ABLIM1: variants seen among roughly 807,000 people sequenced by gnomAD.
The protein encoded by ABLIM1 is actin binding LIM protein 1.
In ABLIM1, 40 loss-of-function variants were observed where a neutral mutation model predicts 107.0. The observed-to-expected ratio is 0.37, with a 90% CI of 0.29 to 0.49. ABLIM1 has a LOEUF of 0.49. ABLIM1 is among the 20% of genes least tolerant of loss of function. The pLI, the probability that ABLIM1 is intolerant of heterozygous loss-of-function variation, is 0.97. For missense variants in ABLIM1, 857 were observed against 1,008.5 expected, an observed-to-expected ratio of 0.85 and a Z score of 2.04; for synonymous variants, 357 against 357.3, an observed-to-expected ratio of 1.00 and a Z score of 0.01.
At chr10:114,480,175 G>C (rs2057117591) in intron 8 of ABLIM1, among the ~76,000 whole-genome samples, 1 of 152,164 alleles carries the variant, frequency 6.6e-6, no homozygotes, top group Non-Finnish European at 1.5e-5. Flanking sequence ...CTTACCTGTA[G>C]TTATTTAATC....
intron 17 of ABLIM1, 49 bp from the exon 18 acceptor site, chr10:114,441,835 C>T (rs758316084): frequency 1.3e-6 from 2 of 1,530,028 alleles, no homozygotes; most frequent in Admixed American, 1.7e-5. Flanking sequence ...TCAGAAGGTC[C>T]AATCCTTTAA....
At chr10:114,715,168 G>T (rs942369875) in intron 1 of ABLIM1, among the ~76,000 whole-genome samples, 2 of 152,058 alleles carry the variant, frequency 1.3e-5, no homozygotes, top group Non-Finnish European at 2.9e-5. Flanking sequence ...CTTCTTTGAT[G>T]CAGGGAAAAA....
intron 8 of ABLIM1, among the ~76,000 whole-genome samples, chr10:114,482,881 G>T (rs532700112): frequency 2.0e-5 from 3 of 152,080 alleles, no homozygotes; most frequent in Non-Finnish European, 4.4e-5. Context: ...TCATGAAAAT[G>T]TATTACTTGA....
chr10:114,581,406 C>G (rs1180711160), intron 2 of ABLIM1, among the ~76,000 whole-genome samples: 1 of 152,200 alleles, frequency 6.6e-6, no homozygotes, highest in Non-Finnish European at 1.5e-5. Flanking sequence ...TGCCTGTTCA[C>G]TAGTTCATAC....
chr10:114,544,931 G>T (rs1467338375), intron 6 of ABLIM1, 74 bp downstream of exon 6: 4 of 1,347,474 alleles, frequency 3.0e-6, no homozygotes, highest in Admixed American at 3.4e-5. Context: ...GTGGGAAAGG[G>T]TCCCCTCTTG....
In ABLIM1 at chr10:114,615,050, CA is replaced by C. The variant is rs35393607; in HGVS notation, c.245-13090del. On this transcript the variant is annotated intron_variant, in intron 1 of 22. Transcript: ENST00000533213. ...GGGCAATAAGAGCAAAACTCTGTCT[CA>C]AAAAAAAAAAAAGAAAGAAAGAAAG... is the stretch of plus-strand genomic sequence containing the variant. Among the ~76,000 whole-genome samples, 684 of 136,724 alleles carry C rather than the reference CA, an allele frequency of 5.0e-3. 1 individual carries two copies. The highest frequency in any genetic ancestry group is 0.012 in the Middle Eastern group (3 of 256). The allele number at this position is 136,724 out of a possible 152,430, so 89.7% of individuals were successfully genotyped here. A position where few individuals can be genotyped will look rare whatever the true frequency, so the allele number is the denominator to read the frequency against.
At chr10:114,654,446 G>T (rs540031643) in intron 1 of ABLIM1, among the ~76,000 whole-genome samples, 10 of 152,094 alleles carry the variant, frequency 6.6e-5, no homozygotes, top group African/African-American at 1.7e-4. Flanking sequence ...TGATATGCAC[G>T]TTCTCATTCT....
intron 4 of ABLIM1, among the ~76,000 whole-genome samples, chr10:114,560,403 A>G (rs549546094): frequency 6.6e-6 from 1 of 152,358 alleles, no homozygotes; most frequent in South Asian, 2.1e-4. Context: ...TAAGATTGCA[A>G]CGAAGCTGAA....
intron 1 of ABLIM1, among the ~76,000 whole-genome samples, chr10:114,612,718 C>T (rs79120879): frequency 0.034 from 5,210 of 152,228 alleles, 280 homozygotes; most frequent in African/African-American, 0.11. Context: ...TAAACTCTGC[C>T]GGCAGAACAT....
intron 1 of ABLIM1, among the ~76,000 whole-genome samples, chr10:114,692,719 G>A (rs956131490): frequency 1.3e-5 from 2 of 152,072 alleles, no homozygotes; most frequent in Admixed American, 6.6e-5. Context: ...GTGAAACCTC[G>A]TCTCTACTAA....
chr10:114,752,541 G>A (rs2082538518), intron 1 of ABLIM1, among the ~76,000 whole-genome samples: 1 of 152,118 alleles, frequency 6.6e-6, no homozygotes, highest in African/African-American at 2.4e-5. Flanking sequence ...CATCACCTAG[G>A]TGTTAAGCCC....
chr10:114,617,196 C>T (rs116240653), intron 1 of ABLIM1, among the ~76,000 whole-genome samples: 48 of 151,772 alleles, frequency 3.2e-4, no homozygotes, highest in African/African-American at 1.0e-3. Context: ...AAATCCTGGC[C>T]GAAGGCAGTT....
intron 2 of ABLIM1, among the ~76,000 whole-genome samples, chr10:114,580,405 T>TTCTTGCTATATTACACAGGCTGGTC (rs2073221453): frequency 6.6e-6 from 1 of 151,962 alleles, no homozygotes; most frequent in African/African-American, 2.4e-5. Context: ...ACAGGCTGGT[T>TTCTTGCTATATTACACAGGCTGGTC]TCTTGCTATA....
chr10:114,570,891 C>T lies in ABLIM1; in HGVS notation c.673+406G>A, dbSNP rs148697055. Reference sequence around the variant, plus strand: ...AAAGTGCTGGGATTACAGGCATAAGCCACCACACCTGGCCTATTTTTAATT... The same window carrying T: ...AAAGTGCTGGGATTACAGGCATAAGTCACCACACCTGGCCTATTTTTAATT... On this transcript the variant is annotated intron_variant, in intron 4 of 22. Transcript: ENST00000533213. 6.8e-4 allele frequency among the ~76,000 whole-genome samples: 103 copies of T among 152,256 alleles called. No individual in the cohort carries two copies. The Middle Eastern group carries it at 0.014, about 20-fold the overall frequency.
chr10:114,433,067 C>T lies in ABLIM1; in HGVS notation c.*3193G>A, dbSNP rs2059019581. ...CATTGAGGCCCCTTTTACTTCATGC[C>T]ATCATTATGCACTTAAGAGTCCCAA... On this transcript the variant is annotated 3_prime_UTR_variant, in exon 23 of 23. Coordinates refer to ENST00000533213, the MANE Select transcript of ABLIM1 (RefSeq NM_002313.7). 1 of 152,154 alleles carries T rather than the reference C, an allele frequency of 6.6e-6. No homozygotes were observed. Among genetic ancestry groups the T allele is most frequent in the South Asian group, 2.1e-4 (1 of 4,824 alleles). 9.4% of individuals were successfully genotyped at this position (152,154 alleles called of 1,614,324 possible).
intron 1 of ABLIM1, among the ~76,000 whole-genome samples, chr10:114,605,648 T>C (rs933297208): frequency 6.6e-5 from 10 of 152,078 alleles, no homozygotes; most frequent in African/African-American, 1.2e-4. Flanking sequence ...TAAATAAGGA[T>C]TGTACAATGA....
At chr10:114,769,422 G>GAAAGAAAGAAAGAAA (rs1491588873), upstream of ABLIM1, among the ~76,000 whole-genome samples, 1 of 51,852 alleles carries the variant, frequency 1.9e-5, no homozygotes, top group Non-Finnish European at 4.4e-5. Context: ...AAGAAAAGAA[G>GAAAGAAAGAAAGAAA]GAAAGAAAGA....
At chr10:114,548,583 C>T (rs2067656409) in intron 4 of ABLIM1, among the ~76,000 whole-genome samples, 2 of 152,158 alleles carry the variant, frequency 1.3e-5, no homozygotes, top group Non-Finnish European at 1.5e-5. Flanking sequence ...GTAGATGGCA[C>T]ATTGGAAGTG....
intron 6 of ABLIM1, chr10:114,526,848 T>C (rs1343297965): frequency 3.0e-6 from 3 of 985,326 alleles, no homozygotes; most frequent in Non-Finnish European, 2.4e-6. Context: ...TAAGGCAACG[T>C]GCATCCCTCT....
Sources: allele counts gnomAD v4.1 joint callset (sites outside exome capture counted in the v4.1 genomes callset), GRCh38; gene constraint gnomAD v4.1.1; transcripts MANE v1.5; gene names NCBI Gene and HGNC (gene_info 2026-07-23, HGNC 2026-07-21).